Variants in TBC1D5 observed in about 807,000 individuals in gnomAD.
TBC1D5 encodes the protein TBC1 domain family member 5.
TBC1D5 carries 75 observed loss-of-function variants against 100.3 expected under a neutral mutation model. The observed-to-expected ratio is 0.75, with a 90% CI of 0.62 to 0.91. The LOEUF is 0.91. Ranked by LOEUF, TBC1D5 falls within the 40% of genes least tolerant of loss-of-function variation. TBC1D5 has a pLI of 0.00. For missense variants in TBC1D5, 910 were observed against 942.4 expected (o/e 0.97, Z 0.45); for synonymous variants, 323 against 325.6 (o/e 0.99, Z 0.09).
At chr3:17,557,766 TTTAAATG>T (rs2096531663) in intron 2 of TBC1D5, among the ~76,000 whole-genome samples, 1 of 152,216 alleles carries the variant, frequency 6.6e-6, no homozygotes, top group Non-Finnish European at 1.5e-5. Flanking sequence ...GTAAATTTTT[TTTAAATG>T]TTAAAAATTA....
chr3:17,492,298 T>C (rs959109229), intron 3 of TBC1D5, among the ~76,000 whole-genome samples: 5 of 152,178 alleles, frequency 3.3e-5, no homozygotes, highest in Non-Finnish European at 2.9e-5. Flanking sequence ...CCCACTCTGA[T>C]CTTGGTTATT....
At position 17,529,360 on chromosome 3, in the gene TBC1D5, A is replaced by C. The variant is rs533968383; in HGVS notation, c.-35-20755T>G. The stretch of plus-strand genomic sequence containing the variant: ...TGTCCCGATTTGCCTGGGGAATAAA[A>C]CATATATTTCACTTCCTTATGTGAG... On this transcript the variant is annotated intron_variant, in intron 2 of 21. Coordinates refer to ENST00000253692, the Ensembl canonical transcript of TBC1D5. 9.9e-5 allele frequency among the ~76,000 whole-genome samples: 15 copies of C among 152,260 alleles called. No homozygotes were observed. The South Asian group carries it at 3.1e-3, about 32-fold the overall frequency.
At chr3:17,716,475 A>G (rs569636078) in intron 1 of TBC1D5, among the ~76,000 whole-genome samples, 3 of 152,232 alleles carry the variant, frequency 2.0e-5, no homozygotes, top group Admixed American at 2.0e-4. Context: ...ACCTCCTGTC[A>G]GCGACTTATC....
intron 2 of TBC1D5, among the ~76,000 whole-genome samples, chr3:17,513,432 T>G (rs2095939716): frequency 6.6e-6 from 1 of 152,150 alleles, no homozygotes; most frequent in Non-Finnish European, 1.5e-5. Flanking sequence ...TTTAATAATA[T>G]TTTCTCTTTT....
intron 1 of TBC1D5, among the ~76,000 whole-genome samples, chr3:17,673,714 GTCTA>G (rs1389108351): frequency 2.0e-5 from 3 of 151,960 alleles, no homozygotes; most frequent in African/African-American, 7.2e-5. Flanking sequence ...AAACGTGAAG[GTCTA>G]TCTTCTTTAA....
intron 3 of TBC1D5, among the ~76,000 whole-genome samples, chr3:17,430,153 C>A (rs933661940): frequency 6.6e-6 from 1 of 151,640 alleles, no homozygotes; most frequent in Non-Finnish European, 1.5e-5. Context: ...AAATTAGTCT[C>A]TGTCTTGCTA....
At chr3:17,349,248 C>A (rs1415065545) in intron 13 of TBC1D5, among the ~76,000 whole-genome samples, 1 of 152,122 alleles carries the variant, frequency 6.6e-6, no homozygotes, top group Non-Finnish European at 1.5e-5. Flanking sequence ...ACTTTCAGGG[C>A]ATGTTAAAAC....
intron 4 of TBC1D5, among the ~76,000 whole-genome samples, chr3:17,407,171 TA>T (rs995283471): frequency 3.3e-5 from 5 of 152,068 alleles, no homozygotes; most frequent in Non-Finnish European, 7.4e-5. Flanking sequence ...GCTGAGTAGA[TA>T]AACAACTGAA....
chr3:17,320,318 T>C (rs1326528138), intron 13 of TBC1D5, among the ~76,000 whole-genome samples: 2 of 152,242 alleles, frequency 1.3e-5, no homozygotes, highest in East Asian at 1.9e-4. Context: ...TTGTTCAAAC[T>C]GCAAATTCTT....
At chr3:17,235,266 C>T (rs1226623284) in intron 17 of TBC1D5, among the ~76,000 whole-genome samples, 1 of 152,184 alleles carries the variant, frequency 6.6e-6, no homozygotes, top group African/African-American at 2.4e-5. Context: ...ACACAACTGT[C>T]CCCCTATCTA....
intron 2 of TBC1D5, among the ~76,000 whole-genome samples, chr3:17,523,088 T>C (rs1240382882): frequency 9.7e-6 from 1 of 103,476 alleles, no homozygotes; most frequent in Non-Finnish European, 1.9e-5. Context: ...CTGTGTTTTA[T>C]GTGTATTATC....
At chr3:17,489,547 T>TGTTCAACTCCCACTGATAAGAAC (rs1340412586) in intron 3 of TBC1D5, among the ~76,000 whole-genome samples, 8 of 152,190 alleles carry the variant, frequency 5.3e-5, no homozygotes, top group African/African-American at 1.7e-4. Context: ...GTGTTCTCAT[T>TGTTCAACTCCCACTGATAAGAAC]GTTCAACTCC....
chr3:17,720,304 G>T (rs1404819318), intron 1 of TBC1D5, among the ~76,000 whole-genome samples: 10 of 152,064 alleles, frequency 6.6e-5, no homozygotes. Flanking sequence ...TTTTTAAAAT[G>T]ATATCAAGTT....
Position 17,550,402 on chromosome 3 carries a change from A to T in TBC1D5, c.-35-41797T>A, listed in dbSNP as rs548332929. Among the ~76,000 whole-genome samples the T allele has an allele frequency of 2.0e-5, 3 of 152,306 alleles. No homozygotes were observed. The South Asian group carries it at 6.2e-4, about 32-fold the overall frequency. On this transcript the variant is annotated intron_variant, in intron 2 of 21. Transcript: ENST00000253692. ...CCACTGCCTATAATTTCAGTCTTCTACATCACTCTGAAATACCACTACACT... is the reference window on the plus strand; with the variant it reads ...CCACTGCCTATAATTTCAGTCTTCTTCATCACTCTGAAATACCACTACACT...
chr3:17,216,486 C>T (rs2073649042), intron 17 of TBC1D5, among the ~76,000 whole-genome samples: 1 of 152,110 alleles, frequency 6.6e-6, no homozygotes, highest in Admixed American at 6.6e-5. Context: ...GTACTTCTAT[C>T]AGGGTCTGCT....
chr3:17,476,872 T>C (rs2095444047), intron 3 of TBC1D5, among the ~76,000 whole-genome samples: 1 of 152,028 alleles, frequency 6.6e-6, no homozygotes, highest in African/African-American at 2.4e-5. Context: ...ATGCTGTATC[T>C]TTATTGCTGG....
chr3:17,381,039 GT>G (rs974330241), intron 9 of TBC1D5, among the ~76,000 whole-genome samples: 5 of 152,004 alleles, frequency 3.3e-5, no homozygotes, highest in Non-Finnish European at 7.4e-5. Flanking sequence ...TTATTTTTCT[GT>G]AAAAAATCTA....
At chr3:17,454,777 TC>T (rs2095018242) in intron 3 of TBC1D5, among the ~76,000 whole-genome samples, 1 of 152,076 alleles carries the variant, frequency 6.6e-6, no homozygotes, top group Non-Finnish European at 1.5e-5. Context: ...CAGTAGCATT[TC>T]TATATGCCAA....
intron 17 of TBC1D5, among the ~76,000 whole-genome samples, chr3:17,222,123 T>C (rs1429836343): frequency 6.6e-6 from 1 of 152,214 alleles, no homozygotes; most frequent in African/African-American, 2.4e-5. Flanking sequence ...CATCTTTTCT[T>C]TTATCTTTAT....
Sources: allele counts gnomAD v4.1 joint callset (sites outside exome capture counted in the v4.1 genomes callset), GRCh38; gene constraint gnomAD v4.1.1; transcripts MANE v1.5; gene names NCBI Gene and HGNC (gene_info 2026-07-23, HGNC 2026-07-21).